Variants in UGT3A2 observed in about 807,000 individuals in gnomAD.
The protein encoded by UGT3A2 is UDP glycosyltransferase family 3 member A2, also known as UDP-glycosyltransferase 3A2.
Under a neutral mutation model 39.8 loss-of-function variants are expected in UGT3A2, and 32 were observed. The ratio of observed to expected loss-of-function variants is 0.80; its 90% confidence interval spans 0.61 to 1.08. The LOEUF (loss-of-function observed/expected upper bound fraction) is 1.08. Among genes scored for constraint, UGT3A2 ranks in the 50% least tolerant of loss-of-function variants. The probability of loss-of-function intolerance (pLI) is 0.00; values close to 1 mark genes in which losing one functional copy is unlikely to be tolerated. For synonymous variants in UGT3A2, 241 were observed against 230.7 expected, an observed-to-expected ratio of 1.04 and a Z score of -0.40; for missense variants, 611 against 637.1, an observed-to-expected ratio of 0.96 and a Z score of 0.44.
rs774998784 is a variant in UGT3A2, at chr5:36,035,887, G to A, written c.1383C>T (p.His461=). The A allele has an allele frequency of 2.8e-5, 46 of 1,614,048 alleles. No homozygotes were observed. The highest frequency in any genetic ancestry group is 3.7e-5 in the Non-Finnish European group (44 of 1,180,034). The change falls in exon 7 of 7, where the codon CAC becomes CAT. Residue 461 remains histidine (H), a synonymous_variant. Transcript: ENST00000282507. ...PTQRLVGWID[H]VLQTGGATHL... ...GCGTCGCGCCCCCTGTCTGGAGGAC[G>A]TGGTCAATCCAGCCCACCAGCCGCT...
At chr5:36,052,117 G>T in intron 2 of UGT3A2, 133 bp from the exon 3 acceptor site, 1 of 619,420 alleles carries the variant, frequency 1.6e-6, no homozygotes, top group East Asian at 3.0e-5. Context: ...ATTTTTTAAT[G>T]TATGCGTTTA....
Position 36,035,620 on chromosome 5 carries a change from C to A in UGT3A2, c.*78G>T. ...TAACTAGAAGGACTAGAGAATGGGG[C>A]TGCCAGAACTAGTGGGAAGCTCCCT... On this transcript the variant is annotated 3_prime_UTR_variant, in exon 7 of 7. Coordinates refer to ENST00000282507, the MANE Select transcript of UGT3A2 (RefSeq NM_174914.4). 5 of 1,543,756 alleles carry A rather than the reference C, an allele frequency of 3.2e-6. No homozygotes were observed. The highest frequency in any genetic ancestry group is 1.2e-5 in the South Asian group (1 of 80,022).
chr5:36,052,014 A>G, intron 2 of UGT3A2, 30 bp from the exon 3 acceptor site: 2 of 1,398,490 alleles, frequency 1.4e-6, no homozygotes, highest in Non-Finnish European at 2.0e-6. Flanking sequence ...TTAAAAAAAA[A>G]GTTAAATATG....
chr5:36,053,695 C>T (rs1168218108), intron 2 of UGT3A2, among the ~76,000 whole-genome samples: 1 of 152,172 alleles, frequency 6.6e-6, no homozygotes, highest in Admixed American at 6.5e-5. Flanking sequence ...AAGGTATTGT[C>T]TTATAGTTCT....
chr5:36,064,214 G>C (rs755988732), intron 2 of UGT3A2, 35 bp downstream of exon 2: 3 of 1,586,690 alleles, frequency 1.9e-6, no homozygotes, highest in East Asian at 4.5e-5. Context: ...TCTTTGCTTG[G>C]AGTAGGAGAA....
At chr5:36,046,675 G>A (rs527883138) in intron 4 of UGT3A2, among the ~76,000 whole-genome samples, 2 of 152,232 alleles carry the variant, frequency 1.3e-5, no homozygotes, top group East Asian at 3.9e-4. Flanking sequence ...GAATGTATAA[G>A]GTCCAGTGTT....
intron 4 of UGT3A2, among the ~76,000 whole-genome samples, chr5:36,041,998 A>G (rs893045223): frequency 6.6e-6 from 1 of 152,268 alleles, no homozygotes; most frequent in Middle Eastern, 3.4e-3. Flanking sequence ...AAGCTCAGTG[A>G]CATTCAAGAT....
At chr5:36,048,469 T>C (rs1742235905) in intron 4 of UGT3A2, among the ~76,000 whole-genome samples, 1 of 152,208 alleles carries the variant, frequency 6.6e-6, no homozygotes, top group Non-Finnish European at 1.5e-5. Flanking sequence ...AGATCCACCC[T>C]GCTTACTCCG....
intron 4 of UGT3A2, among the ~76,000 whole-genome samples, chr5:36,040,139 C>T (rs1440121379): frequency 2.0e-5 from 3 of 151,162 alleles, no homozygotes; most frequent in Non-Finnish European, 4.4e-5. Flanking sequence ...GGCTCCTCTT[C>T]ATCTACACAA....
At chr5:36,052,665 T>G (rs1033659212) in intron 2 of UGT3A2, among the ~76,000 whole-genome samples, 1 of 151,906 alleles carries the variant, frequency 6.6e-6, no homozygotes, top group Non-Finnish European at 1.5e-5. Context: ...CAGTAAAAAC[T>G]CAAGCCAGTC....
chr5:36,064,634 G>A (rs1405468161), intron 1 of UGT3A2, among the ~76,000 whole-genome samples: 2 of 152,186 alleles, frequency 1.3e-5, no homozygotes, highest in South Asian at 2.1e-4. Context: ...TTAGCCATGG[G>A]AGTTCCTCAT....
intron 3 of UGT3A2, among the ~76,000 whole-genome samples, chr5:36,051,416 A>T (rs1742337356): frequency 6.6e-6 from 1 of 152,138 alleles, no homozygotes; most frequent in African/African-American, 2.4e-5. Context: ...CCTTCCCTTT[A>T]TTTATGAATA....
At chr5:36,052,859 A>G (rs1267805926) in intron 2 of UGT3A2, among the ~76,000 whole-genome samples, 1 of 152,170 alleles carries the variant, frequency 6.6e-6, no homozygotes, top group Non-Finnish European at 1.5e-5. Flanking sequence ...ATGTTAACAG[A>G]TAGCCCCACA....
At chr5:36,060,507 T>A (rs959023765) in intron 2 of UGT3A2, among the ~76,000 whole-genome samples, 2 of 152,150 alleles carry the variant, frequency 1.3e-5, no homozygotes, top group African/African-American at 4.8e-5. Context: ...TGACCAATCG[T>A]TACCTCCTCC....
intron 2 of UGT3A2, among the ~76,000 whole-genome samples, chr5:36,052,990 C>T (rs1742397373): frequency 6.6e-6 from 1 of 152,312 alleles, no homozygotes; most frequent in East Asian, 1.9e-4. Flanking sequence ...TTTTAACAGG[C>T]TCTCAGCCAC....
Position 36,049,096 on chromosome 5 carries a change from C to G in UGT3A2, c.636G>C (p.Arg212Ser). 3 of 1,614,188 alleles carry G rather than the reference C, an allele frequency of 1.9e-6. No homozygotes were observed. The highest frequency in any genetic ancestry group is 2.5e-6 in the Non-Finnish European group (3 of 1,180,042). The change falls in exon 4 of 7, where the codon AGG becomes AGC. Residue 212 changes from arginine (R) to serine (S), a missense_variant. Transcript: ENST00000282507. Reference protein sequence around the residue: ...KNFLMFFSFCRRQQHMQSTFD... With the variant: ...KNFLMFFSFCSRQQHMQSTFD... ...ATGTAGACTGCATGTGCTGTTGCCT[C>G]CTGCAGAAACTAAAGAACATCAGAA...
rs558297562 is a variant in UGT3A2, at chr5:36,038,799, G to A, written c.1075+678C>T. 2.0e-5 allele frequency among the ~76,000 whole-genome samples: 3 copies of A among 152,342 alleles called. No individual in the cohort carries two copies. The South Asian group carries it at 6.2e-4, about 32-fold the overall frequency. ...AATTGCCCAGATTCTTTTCAGCCATGATCTTCGTTGTGAATCTCTGCTCTA... is the reference window on the plus strand; with the variant it reads ...AATTGCCCAGATTCTTTTCAGCCATAATCTTCGTTGTGAATCTCTGCTCTA... On this transcript the variant is annotated intron_variant, in intron 5 of 6. Transcript: ENST00000282507.
chr5:36,066,551 T>A, intron 1 of UGT3A2, 145 bp downstream of exon 1: 1 of 1,490,312 alleles, frequency 6.7e-7, no homozygotes, highest in Non-Finnish European at 9.2e-7. Context: ...CACAGCTGAA[T>A]GGGCTTCTCC....
intron 1 of UGT3A2, among the ~76,000 whole-genome samples, chr5:36,065,209 T>TTAC (rs1742840153): frequency 6.6e-6 from 1 of 152,020 alleles, no homozygotes; most frequent in Non-Finnish European, 1.5e-5. Flanking sequence ...GAAGGTAATG[T>TTAC]AATAGTAAAT....
Sources: allele counts gnomAD v4.1 joint callset (sites outside exome capture counted in the v4.1 genomes callset), GRCh38; gene constraint gnomAD v4.1.1; transcripts MANE v1.5; gene names NCBI Gene and HGNC (gene_info 2026-07-23, HGNC 2026-07-21).